TGM6: variants seen among roughly 807,000 people sequenced by gnomAD.
TGM6 encodes protein-glutamine gamma-glutamyltransferase 6.
Under a neutral mutation model 77.5 loss-of-function variants are expected in TGM6, and 74 were observed. The observed-to-expected ratio is 0.96, with a 90% CI of 0.79 to 1.16. The LOEUF (loss-of-function observed/expected upper bound fraction) is 1.16, where lower values mean the gene tolerates loss of function less well. Among genes scored for constraint, TGM6 ranks in the 50% most tolerant of loss-of-function variants. The pLI is 0.00. For synonymous variants in TGM6, 383 were observed against 378.9 expected (o/e 1.01, Z -0.12); for missense variants, 968 against 940.2 (o/e 1.03, Z -0.39).
intron 3 of TGM6, among the ~76,000 whole-genome samples, chr20:2,396,140 A>C (rs2084664226): frequency 6.6e-6 from 1 of 150,850 alleles, no homozygotes; most frequent in Admixed American, 6.7e-5. Flanking sequence ...AGATTGCGCC[A>C]TTGTACTCCA....
In TGM6 at chr20:2,430,306, C is replaced by T. The variant is rs2076649; in HGVS notation, c.1679-140C>T. On this transcript the variant is annotated intron_variant, in intron 10 of 12. Coordinates refer to ENST00000202625, the MANE Select transcript of TGM6 (RefSeq NM_198994.3). ...GCCTTAGGTTTCTTCATCTGAGAAC[C>T]GAGGAAAATAAAGCCTGTCTCAGAA... 443,427 of 1,157,228 alleles carry T rather than the reference C, an allele frequency of 0.38. 88,914 individuals carry two copies. Among genetic ancestry groups the T allele is most frequent in the African/African-American group, 0.61 (39,842 of 65,008 alleles). 71.7% of individuals were successfully genotyped at this position (1,157,228 alleles called of 1,614,324 possible). A position where few individuals can be genotyped will look rare whatever the true frequency, so the allele number is the denominator to read the frequency against.
intron 6 of TGM6, 57 bp downstream of exon 6, chr20:2,399,795 A>G (rs1221521148): frequency 2.1e-6 from 3 of 1,448,566 alleles, no homozygotes; most frequent in South Asian, 2.4e-5. Context: ...CTCTATCTAA[A>G]TGTATTTACA....
intron 1 of TGM6, among the ~76,000 whole-genome samples, chr20:2,387,808 C>T (rs1371629891): frequency 2.0e-5 from 3 of 152,252 alleles, no homozygotes; most frequent in African/African-American, 7.2e-5. Context: ...CAGCTTGCGT[C>T]TGCATCAGCT....
intron 10 of TGM6, among the ~76,000 whole-genome samples, chr20:2,426,208 T>A (rs1310179851): frequency 6.6e-6 from 1 of 152,138 alleles, no homozygotes; most frequent in Non-Finnish European, 1.5e-5. Flanking sequence ...CTTGTGTAGA[T>A]CTTGTACATA....
intron 1 of TGM6, among the ~76,000 whole-genome samples, chr20:2,387,197 G>A (rs2084602007): frequency 6.6e-6 from 1 of 152,210 alleles, no homozygotes; most frequent in East Asian, 1.9e-4. Flanking sequence ...CCTGGTTGCG[G>A]GAGAGGGTCC....
Position 2,403,445 on chromosome 20 carries a change from C to A in TGM6, c.1038C>A (p.Gly346=), listed in dbSNP as rs770842798. ...GCTGGTTTGCCCGGCAGGACCTAGGCCCCTCTTACAATGGCTGGCAGGTTC... is the reference window on the plus strand; with the variant it reads ...GCTGGTTTGCCCGGCAGGACCTAGGACCCTCTTACAATGGCTGGCAGGTTC... ...NESWFARQDL[G]PSYNGWQVLD... is the part of the protein sequence containing the mutation. The change falls in exon 8 of 13, where the codon GGC becomes GGA. Residue 346 remains glycine, a synonymous_variant. Transcript: ENST00000202625. 14 of 1,614,006 alleles carry A rather than the reference C, an allele frequency of 8.7e-6. No individual in the cohort carries two copies. The African/African-American group carries it at 1.7e-4, about 20-fold the overall frequency.
intron 10 of TGM6, among the ~76,000 whole-genome samples, chr20:2,425,855 G>A (rs6048871): frequency 0.22 from 33,831 of 151,860 alleles, 3,918 homozygotes; most frequent in South Asian, 0.3. Context: ...TCTTTTCTTC[G>A]TGTTCGAAAC....
intron 11 of TGM6, 76 bp downstream of exon 11, chr20:2,430,676 T>C: frequency 6.2e-7 from 1 of 1,607,924 alleles, no homozygotes; most frequent in South Asian, 1.1e-5. Context: ...CGTCAGAAGC[T>C]GGGGGGGTTT....
chr20:2,427,330 C>T (rs1009205326), intron 10 of TGM6, among the ~76,000 whole-genome samples: 2 of 152,044 alleles, frequency 1.3e-5, no homozygotes, highest in African/African-American at 2.4e-5. Context: ...TTTCCTAACT[C>T]CCCAAACTTG....
intron 1 of TGM6, among the ~76,000 whole-genome samples, chr20:2,391,001 C>T (rs560766948): frequency 7.3e-5 from 11 of 151,034 alleles, no homozygotes; most frequent in African/African-American, 1.9e-4. Context: ...TCTTGAAGGG[C>T]TTGTGGGTCA....
intron 9 of TGM6, among the ~76,000 whole-genome samples, chr20:2,408,130 G>T (rs747033220): frequency 6.6e-6 from 1 of 152,130 alleles, no homozygotes; most frequent in Non-Finnish European, 1.5e-5. Flanking sequence ...GACTCATGCT[G>T]GGCAATATTG....
chr20:2,389,081 T>C (rs967829190), intron 1 of TGM6, among the ~76,000 whole-genome samples: 1 of 152,186 alleles, frequency 6.6e-6, no homozygotes, highest in Non-Finnish European at 1.5e-5. Context: ...CCTTGACCCA[T>C]AGGATAAGGC....
intron 10 of TGM6, among the ~76,000 whole-genome samples, chr20:2,417,877 C>T (rs1695260906): frequency 1.3e-5 from 2 of 152,154 alleles, no homozygotes; most frequent in African/African-American, 2.4e-5. Flanking sequence ...CAAATAAATA[C>T]ATGCTGGGGG....
intron 7 of TGM6, 147 bp downstream of exon 7, chr20:2,400,591 G>A (rs531647994): frequency 7.8e-6 from 9 of 1,151,348 alleles, no homozygotes; most frequent in African/African-American, 3.1e-5. Context: ...AGTGAGAGGC[G>A]CCCTGCGGAT....
rs746720154 is a variant in TGM6, at chr20:2,394,516, G to T, written c.72G>T (p.Glu24Asp). ...ATGGCGCTGCCCACCACACCCAGGA[G>T]TACCCCTGCCCTGAGCTGGTGGTTC... ...SRNGAAHHTQEYPCPELVVRR... is the reference protein window; with the variant it reads ...SRNGAAHHTQDYPCPELVVRR... The change falls in exon 2 of 13, where the codon GAG becomes GAT. Residue 24 changes from glutamate to aspartate, a missense_variant. Glu to Asp is a conservative substitution (Grantham distance 45, BLOSUM62 2). Coordinates refer to ENST00000202625, the MANE Select transcript of TGM6 (RefSeq NM_198994.3). 1.2e-6 allele frequency: 2 copies of T among 1,611,828 alleles called. No homozygotes were observed. Among genetic ancestry groups the T allele is most frequent in the East Asian group, 4.5e-5 (2 of 44,876 alleles).
Position 2,394,638 on chromosome 20 carries a change from G to C in TGM6, c.181+13G>C, listed in dbSNP as rs749559863. On this transcript the variant is annotated intron_variant, in intron 2 of 12. Coordinates refer to ENST00000202625, the MANE Select transcript of TGM6 (RefSeq NM_198994.3). ...ACGATGGAGACAGGTAACTGGGCTT[G>C]CCAGCACCCTCTTCTCGTCTGCAGC... 3 of 1,603,304 alleles carry C rather than the reference G, an allele frequency of 1.9e-6. No individual in the cohort carries two copies. The African/African-American group carries it at 4.0e-5, about 21-fold the overall frequency.
At chr20:2,410,913 A>G (rs557815975) in intron 9 of TGM6, among the ~76,000 whole-genome samples, 1 of 152,376 alleles carries the variant, frequency 6.6e-6, no homozygotes, top group African/African-American at 2.4e-5. Context: ...AAAAAGAAAT[A>G]GAAAATCTGA....
At chr20:2,395,096 G>GGGTGAA in intron 2 of TGM6, 98 bp from the exon 3 acceptor site, 1 of 1,546,312 alleles carries the variant, frequency 6.5e-7, no homozygotes, top group Non-Finnish European at 8.7e-7. Context: ...GAAGTTCAGG[G>GGGTGAA]GGTGAAGGTG....
At chr20:2,424,423 C>T (rs900886624) in intron 10 of TGM6, among the ~76,000 whole-genome samples, 1 of 152,160 alleles carries the variant, frequency 6.6e-6, no homozygotes, top group African/African-American at 2.4e-5. Context: ...TTCCTTAAAC[C>T]TTATGAACCA....
Sources: gnomAD v4.1 joint callset for allele counts (sites outside exome capture counted in the v4.1 genomes callset) on GRCh38, gnomAD v4.1.1 for gene constraint, MANE v1.5 for transcripts, NCBI Gene and HGNC (gene_info 2026-07-23, HGNC 2026-07-21) for gene names.